The following TMEM165 variants were observed in gnomAD, a reference collection of about 807,000 sequenced individuals.
TMEM165 encodes the protein putative divalent cation/proton antiporter TMEM165.
A neutral mutation model predicts 30.0 loss-of-function variants in TMEM165; 19 were observed. That is an observed-to-expected ratio of 0.63 (90% CI 0.44 to 0.93). TMEM165 has a LOEUF of 0.93. Ranked by LOEUF, TMEM165 falls within the 40% of genes least tolerant of loss-of-function variation. TMEM165 has a pLI of 0.00. For missense variants in TMEM165, 340 were observed against 417.0 expected (o/e 0.82, Z 1.61); for synonymous variants, 168 against 162.9 (o/e 1.03, Z -0.24).
At chr4:55,443,796 T>G (rs1269789797) in intron 3 of TMEM165, 13 of 1,614,122 alleles carry the variant, frequency 8.1e-6, no homozygotes, top group Non-Finnish European at 1.1e-5. Flanking sequence ...AACTTGGCCT[T>G]GCATATTTAT....
chr4:55,398,375 G>A (rs1720817864), intron 1 of TMEM165, among the ~76,000 whole-genome samples: 1 of 152,190 alleles, frequency 6.6e-6, no homozygotes, highest in Admixed American at 6.5e-5. Flanking sequence ...AGGTAGAGGA[G>A]GTTTGTAAGG....
intron 3 of TMEM165, among the ~76,000 whole-genome samples, chr4:55,447,406 T>C (rs1489652827): frequency 6.6e-6 from 1 of 152,202 alleles, no homozygotes; most frequent in Admixed American, 6.5e-5. Context: ...ACAAATGTTA[T>C]TTTATTATAA....
rs867151217 is a variant in TMEM165 at position 55,418,105 on chromosome 4, A to G, written c.792+120A>G. On this transcript the variant is annotated intron_variant, in intron 4 of 5. Coordinates refer to ENST00000381334, the MANE Select transcript of TMEM165 (RefSeq NM_018475.5). ...ATTCCTTCATATGCAAGACTGTTTT[A>G]CATCTGATAATTCAGCTGCTCTCTA... is the stretch of plus-strand genomic sequence containing the variant. 34 of 901,612 alleles carry G rather than the reference A, an allele frequency of 3.8e-5. No homozygotes were observed. The African/African-American group carries it at 5.6e-4, about 15-fold the overall frequency. The allele number at this position is 901,612 out of a possible 1,614,324, so 55.9% of individuals were successfully genotyped here. A position where few individuals can be genotyped will look rare whatever the true frequency, so the allele number is the denominator to read the frequency against.
chr4:55,402,809 T>TTTTTTTTTTTTTTTTTA (rs1560387581), intron 1 of TMEM165, among the ~76,000 whole-genome samples: 4 of 131,990 alleles, frequency 3.0e-5, no homozygotes, highest in East Asian at 2.2e-4. Flanking sequence ...TTTTTTTTTT[T>TTTTTTTTTTTTTTTTTA]GAGACGGAGT....
chr4:55,400,678 C>T (rs573098370), intron 1 of TMEM165, among the ~76,000 whole-genome samples: 39 of 149,318 alleles, frequency 2.6e-4, no homozygotes, highest in Non-Finnish European at 4.6e-4. Flanking sequence ...CCTGGTGATC[C>T]GCCTGCCTCG....
At chr4:55,413,794 G>A (rs1462499183) in intron 2 of TMEM165, among the ~76,000 whole-genome samples, 2 of 152,190 alleles carry the variant, frequency 1.3e-5, no homozygotes, top group Admixed American at 6.5e-5. Flanking sequence ...AATTGTAAAT[G>A]TGTATATATA....
At chr4:55,432,928 G>A (rs1169244482) in intron 3 of TMEM165, 2 of 152,570 alleles carry the variant, frequency 1.3e-5, no homozygotes, top group African/African-American at 4.8e-5. Flanking sequence ...CGTTTACCTG[G>A]GGCTTGTCTT....
In TMEM165 at chr4:55,442,748, G is replaced by C. The variant is rs948930738; in HGVS notation, c.409-9491G>C. 8.0e-5 allele frequency: 74 copies of C among 925,644 alleles called. 1 individual carries two copies. Among genetic ancestry groups the C allele is most frequent in the Non-Finnish European group, 7.3e-5 (43 of 588,280 alleles). 57.3% of individuals were successfully genotyped at this position (925,644 alleles called of 1,614,324 possible). ...CAATATGACAGAGAAAGAAGTGGCA[G>C]GATATATTACTCTGGGGGAAATATA... On this transcript the variant is annotated intron_variant, in intron 3 of 3. Transcript: ENST00000608091.
intron 5 of TMEM165, 109 bp from the exon 6 acceptor site, chr4:55,425,265 GTT>G (rs1722145830): frequency 1.2e-6 from 1 of 823,946 alleles, no homozygotes; most frequent in East Asian, 2.5e-5. Context: ...TTCAAGGTTA[GTT>G]TAATAGATTG....
At chr4:55,426,876 A>G (rs1722225263), downstream of TMEM165, among the ~76,000 whole-genome samples, 1 of 152,158 alleles carries the variant, frequency 6.6e-6, no homozygotes, top group Admixed American at 6.5e-5. Context: ...GAAGTAGCAC[A>G]TGTTGGTAAA....
At chr4:55,438,620 A>G in intron 3 of TMEM165, 1 of 1,598,332 alleles carries the variant, frequency 6.3e-7, no homozygotes, top group East Asian at 2.2e-5. Flanking sequence ...ATACTTACCT[A>G]AGATAATACC....
chr4:55,407,387 G>A (rs186738010), intron 1 of TMEM165, among the ~76,000 whole-genome samples: 3 of 152,264 alleles, frequency 2.0e-5, no homozygotes, highest in Non-Finnish European at 4.4e-5. Context: ...TGTGCGGTGA[G>A]TAAATACCTA....
At chr4:55,403,075 C>G (rs1305282887) in intron 1 of TMEM165, among the ~76,000 whole-genome samples, 1 of 152,140 alleles carries the variant, frequency 6.6e-6, no homozygotes, top group African/African-American at 2.4e-5. Flanking sequence ...CAGGCATGAG[C>G]CACCACACCC....
intron 3 of TMEM165, chr4:55,444,891 A>ACATAT (rs1009802709): frequency 5.5e-6 from 6 of 1,082,566 alleles, no homozygotes; most frequent in Non-Finnish European, 8.2e-6. Context: ...AAGGATGATA[A>ACATAT]CATCCTTCAC....
Position 55,445,582 on chromosome 4 carries a change from CTTTTTT to C in TMEM165, c.409-6636_409-6631del, listed in dbSNP as rs56157186. On this transcript the variant is annotated intron_variant, in intron 3 of 3. Coordinates refer to the TMEM165 transcript ENST00000608091. ...TCTCTGCATCTGCTATTTCTATATT[CTTTTTT>C]TTTTTTTTTTTTTTTTTTTTGAGAC... Among the ~76,000 whole-genome samples, 28 of 68,592 alleles carry C rather than the reference CTTTTTT, an allele frequency of 4.1e-4. No homozygotes were observed. In the South Asian group the frequency reaches 5.6e-3, roughly 14 times the overall value. The allele number at this position is 68,592 out of a possible 152,430, so 45.0% of individuals were successfully genotyped here. A position where few individuals can be genotyped will look rare whatever the true frequency, so the allele number is the denominator to read the frequency against.
Position 55,448,670 on chromosome 4 carries a change from T to C in TMEM165, c.409-3569T>C, listed in dbSNP as rs76759009. 8.2e-3 allele frequency: 5,980 copies of C among 730,512 alleles called. 265 individuals carry two copies. The African/African-American group carries it at 0.093, about 11-fold the overall frequency. The allele number at this position is 730,512 out of a possible 1,614,324, so 45.3% of individuals were successfully genotyped here. A position where few individuals can be genotyped will look rare whatever the true frequency, so the allele number is the denominator to read the frequency against. ...CTCCTACCTCAGCCTCCCAAGTAGC[T>C]GTGGCTACAGGTGCTTGCCAGCAAG... On this transcript the variant is annotated intron_variant, in intron 3 of 3. Transcript: ENST00000608091.
rs546280122 is a variant in TMEM165, at chr4:55,422,739, C to A, written c.793-1799C>A. Among the ~76,000 whole-genome samples the A allele has an allele frequency of 1.2e-3, 187 of 152,152 alleles. 1 individual carries two copies. Among genetic ancestry groups the A allele is most frequent in the Non-Finnish European group, 2.4e-3 (162 of 67,996 alleles). ...TCTCAGCTCACTGCAACCTCAGCCT[C>A]CTGGATTCAAGCCAATTCTCCTGCC... On this transcript the variant is annotated intron_variant, in intron 4 of 5. Transcript: ENST00000381334.
chr4:55,419,004 C>T (rs1721856687), intron 4 of TMEM165, among the ~76,000 whole-genome samples: 1 of 151,950 alleles, frequency 6.6e-6, no homozygotes, highest in Admixed American at 6.6e-5. Context: ...TAGATTGCAC[C>T]ACTGCACTCC....
downstream of TMEM165, among the ~76,000 whole-genome samples, chr4:55,427,317 T>G (rs577767466): frequency 2.6e-5 from 4 of 151,308 alleles, no homozygotes; most frequent in South Asian, 8.4e-4. Context: ...ATTACAGGCG[T>G]GAGCCACCAT....
Sources: allele counts gnomAD v4.1 joint callset (sites outside exome capture counted in the v4.1 genomes callset), GRCh38; gene constraint gnomAD v4.1.1; transcripts MANE v1.5; gene names NCBI Gene and HGNC (gene_info 2026-07-23, HGNC 2026-07-21).